KDM4C: variants seen among roughly 807,000 people sequenced by gnomAD.
The protein encoded by KDM4C is lysine demethylase 4C.
In KDM4C, 81 loss-of-function variants were observed where a neutral mutation model predicts 129.3. The ratio of observed to expected loss-of-function variants is 0.63; its 90% CI spans 0.52 to 0.75. The LOEUF (loss-of-function observed/expected upper bound fraction) is 0.75. Ranked by LOEUF, KDM4C falls within the 30% of genes least tolerant of loss-of-function variation. KDM4C has a pLI of 0.00. For missense variants in KDM4C, 1,457 were observed against 1,304.0 expected, an observed-to-expected ratio of 1.12 and a Z score of -1.81; for synonymous variants, 573 against 456.1, an observed-to-expected ratio of 1.26 and a Z score of -3.26.
chr9:6,764,325 AAAT>A (rs1481469863), intron 1 of KDM4C, among the ~76,000 whole-genome samples: 1 of 152,232 alleles, frequency 6.6e-6, no homozygotes, highest in Non-Finnish European at 1.5e-5. Flanking sequence ...CTTAAGTGCT[AAAT>A]AACTCTTTTC....
chr9:7,056,982 C>T (rs1009894182), intron 17 of KDM4C, among the ~76,000 whole-genome samples: 1 of 152,094 alleles, frequency 6.6e-6, no homozygotes, highest in African/African-American at 2.4e-5. Flanking sequence ...TAGGGTTTTG[C>T]TTGGTCAACA....
At chr9:6,948,531 G>A (rs1827402106) in intron 8 of KDM4C, among the ~76,000 whole-genome samples, 2 of 144,230 alleles carry the variant, frequency 1.4e-5, no homozygotes, top group Non-Finnish European at 1.5e-5. Flanking sequence ...GTTTCTCGCA[G>A]AGGGGGATTT....
At chr9:6,939,962 C>A (rs554200951) in intron 8 of KDM4C, among the ~76,000 whole-genome samples, 1 of 130,484 alleles carries the variant, frequency 7.7e-6, no homozygotes, top group Admixed American at 7.7e-5. Context: ...AATAACCAAC[C>A]TACCTACCTA....
At chr9:7,169,753 G>T in intron 20 of KDM4C, 45 bp from the exon 21 acceptor site, 1 of 1,476,546 alleles carries the variant, frequency 6.8e-7, no homozygotes, top group Non-Finnish European at 9.3e-7. Context: ...AAAATGGTCA[G>T]TGCTGTTTTT....
chr9:7,055,179 A>AAAAC (rs948529158), intron 17 of KDM4C, among the ~76,000 whole-genome samples: 10 of 152,222 alleles, frequency 6.6e-5, no homozygotes, highest in Non-Finnish European at 1.5e-4. Context: ...TACGTCTCAA[A>AAAAC]AAACAAACAA....
intron 15 of KDM4C, among the ~76,000 whole-genome samples, chr9:7,028,516 G>T (rs764016368): frequency 2.6e-5 from 4 of 151,580 alleles, no homozygotes; most frequent in Non-Finnish European, 5.9e-5. Context: ...AGAAGGAAGG[G>T]ATCTCTTTAA....
intron 1 of KDM4C, among the ~76,000 whole-genome samples, chr9:6,734,420 G>A (rs1381949186): frequency 6.7e-6 from 1 of 149,574 alleles, no homozygotes; most frequent in Non-Finnish European, 1.5e-5. Context: ...TCAGCCTCCC[G>A]AGTAGCTGGG....
At chr9:6,761,602 G>T (rs992249451) in intron 1 of KDM4C, among the ~76,000 whole-genome samples, 1 of 152,132 alleles carries the variant, frequency 6.6e-6, no homozygotes, top group African/African-American at 2.4e-5. Flanking sequence ...TGACAGGCGT[G>T]AGCCACTGCA....
intron 8 of KDM4C, among the ~76,000 whole-genome samples, chr9:6,937,016 A>G (rs1337255403): frequency 6.6e-6 from 1 of 152,188 alleles, no homozygotes; most frequent in Non-Finnish European, 1.5e-5. Context: ...TATTTTGGCC[A>G]TTTTATTGTG....
intron 8 of KDM4C, among the ~76,000 whole-genome samples, chr9:6,940,355 T>C (rs1254141879): frequency 6.6e-6 from 1 of 152,202 alleles, no homozygotes; most frequent in Non-Finnish European, 1.5e-5. Context: ...CAATCATTCC[T>C]GACTTTCATG....
At chr9:6,904,294 C>G (rs1351821058) in intron 8 of KDM4C, among the ~76,000 whole-genome samples, 1 of 151,950 alleles carries the variant, frequency 6.6e-6, no homozygotes, top group African/African-American at 2.4e-5. Flanking sequence ...ATACCTATAT[C>G]TATATATGTC....
intron 4 of KDM4C, among the ~76,000 whole-genome samples, chr9:6,817,973 GC>G (rs1832431159): frequency 6.6e-6 from 1 of 151,782 alleles, no homozygotes; most frequent in South Asian, 2.1e-4. Context: ...CACCATCTTG[GC>G]CAGGTTGGTC....
In KDM4C at chr9:6,891,412, G is replaced by A. The variant is rs1588959956; in HGVS notation, c.784-1683G>A. Among the ~76,000 whole-genome samples, 3 of 152,158 alleles carry A rather than the reference G, an allele frequency of 2.0e-5. No individual in the cohort carries two copies. The East Asian group carries it at 5.8e-4, about 29-fold the overall frequency. ...TAAGTGGAAGAATTCAGTAACAAAA[G>A]ATCATACTTTATATGATTCTATTAA... On this transcript the variant is annotated intron_variant, in intron 7 of 21. Transcript: ENST00000381309.
chr9:6,958,745 C>T (rs1829538405), intron 8 of KDM4C, among the ~76,000 whole-genome samples: 1 of 141,980 alleles, frequency 7.0e-6, no homozygotes, highest in Non-Finnish European at 1.5e-5. Flanking sequence ...AGTGCAGTGG[C>T]ATGTTCATGG....
intron 15 of KDM4C, among the ~76,000 whole-genome samples, chr9:7,026,919 G>T (rs1041443406): frequency 6.6e-6 from 1 of 151,984 alleles, no homozygotes; most frequent in Middle Eastern, 3.4e-3. Flanking sequence ...TTTCAACTCA[G>T]AATTTCTACT....
intron 18 of KDM4C, among the ~76,000 whole-genome samples, chr9:7,107,435 G>A (rs1837819942): frequency 2.0e-5 from 3 of 152,208 alleles, no homozygotes; most frequent in Admixed American, 2.0e-4. Flanking sequence ...CAGATGCCCT[G>A]TGGAAGGGAT....
chr9:6,848,711 A>G (rs1415923627), intron 4 of KDM4C, among the ~76,000 whole-genome samples: 7 of 152,104 alleles, frequency 4.6e-5, no homozygotes, highest in African/African-American at 1.7e-4. Context: ...TCAAACCAGA[A>G]TCTTTTCCTA....
intron 5 of KDM4C, among the ~76,000 whole-genome samples, chr9:6,868,398 A>C (rs1320098925): frequency 2.0e-5 from 3 of 152,100 alleles, no homozygotes; most frequent in South Asian, 4.2e-4. Flanking sequence ...GTGCCATAAA[A>C]AGCAGTTTGA....
chr9:7,003,404 C>T (rs747255304), intron 12 of KDM4C, among the ~76,000 whole-genome samples: 2 of 151,208 alleles, frequency 1.3e-5, no homozygotes, highest in African/African-American at 4.8e-5. Flanking sequence ...AAACCCATCT[C>T]CTCAGAGGTA....
Sources: allele counts gnomAD v4.1 joint callset (sites outside exome capture counted in the v4.1 genomes callset), GRCh38; gene constraint gnomAD v4.1.1; transcripts MANE v1.5; gene names NCBI Gene and HGNC (gene_info 2026-07-23, HGNC 2026-07-21).